Variants in CTNND2 observed in about 807,000 individuals in gnomAD.
The protein encoded by CTNND2 is catenin delta-2.
A neutral mutation model predicts 144.4 loss-of-function variants in CTNND2; 22 were observed. That is an observed-to-expected ratio of 0.15 (90% confidence interval 0.11 to 0.22). The LOEUF (loss-of-function observed/expected upper bound fraction) is 0.22, where lower values mean the gene tolerates loss of function less well. CTNND2 is among the 10% of genes least tolerant of loss of function. The probability of loss-of-function intolerance (pLI) is 1.00; values close to 1 mark genes in which losing one functional copy is unlikely to be tolerated. For missense variants in CTNND2, 1,353 were observed against 1,618.8 expected, an observed-to-expected ratio of 0.84 and a Z score of 2.82; for synonymous variants, 751 against 695.6, an observed-to-expected ratio of 1.08 and a Z score of -1.25.
Position 11,717,271 on chromosome 5 carries a change from G to A in CTNND2, c.174+14865C>T, listed in dbSNP as rs530540556. Among the ~76,000 whole-genome samples the A allele has an allele frequency of 2.6e-4, 40 of 152,042 alleles. No homozygotes were observed. The South Asian group carries it at 4.2e-3, about 16-fold the overall frequency. On this transcript the variant is annotated intron_variant, in intron 2 of 21. Coordinates refer to ENST00000304623, the MANE Select transcript of CTNND2 (RefSeq NM_001332.4). ...ACTCACTGTATTAGTTTGTTCTCAC[G>A]CTGCTAATAAAGACGTACCTGGCAG...
intron 16 of CTNND2, among the ~76,000 whole-genome samples, chr5:11,081,259 G>A (rs753898750): frequency 6.6e-6 from 1 of 152,144 alleles, no homozygotes; most frequent in Non-Finnish European, 1.5e-5. Context: ...ATGCAACAAG[G>A]TGACTACAGT....
chr5:11,031,903 C>T (rs1743517318), intron 16 of CTNND2, among the ~76,000 whole-genome samples: 2 of 152,208 alleles, frequency 1.3e-5, no homozygotes, highest in South Asian at 2.1e-4. Flanking sequence ...GAAGGCTGCA[C>T]TGTTGTCCTT....
At position 11,353,432 on chromosome 5, in the gene CTNND2, G is replaced by A. The variant is rs376710692; in HGVS notation, c.1373-6805C>T. Among the ~76,000 whole-genome samples, 152 of 152,302 alleles carry A rather than the reference G, an allele frequency of 1.0e-3. 4 individuals carry two copies. In the South Asian group the frequency reaches 0.031, roughly 31 times the overall value. ...GAAGTGCAATATGTTTGGCAGAAATGCCAGAAAAAGACTAAAATTTAATGT... is the reference window on the plus strand; with the variant it reads ...GAAGTGCAATATGTTTGGCAGAAATACCAGAAAAAGACTAAAATTTAATGT... On this transcript the variant is annotated intron_variant, in intron 8 of 21. Transcript: ENST00000304623.
At chr5:11,497,419 T>C (rs1363801014) in intron 3 of CTNND2, among the ~76,000 whole-genome samples, 4 of 147,538 alleles carry the variant, frequency 2.7e-5, no homozygotes, top group Non-Finnish European at 5.9e-5. Context: ...GGGGCTATGT[T>C]AGATTAGGTG....
At chr5:11,144,893 G>A (rs888428287) in intron 12 of CTNND2, among the ~76,000 whole-genome samples, 3 of 152,072 alleles carry the variant, frequency 2.0e-5, no homozygotes, top group African/African-American at 4.8e-5. Context: ...TCCCCTTATC[G>A]TTCCCAACAG....
intron 1 of CTNND2, among the ~76,000 whole-genome samples, chr5:11,886,220 A>G (rs900487556): frequency 7.3e-5 from 11 of 150,688 alleles, no homozygotes; most frequent in African/African-American, 2.7e-4. Flanking sequence ...ATGAAACAAA[A>G]AGTTGAGTTA....
At chr5:11,829,735 G>A (rs1037484144) in intron 1 of CTNND2, among the ~76,000 whole-genome samples, 4 of 152,214 alleles carry the variant, frequency 2.6e-5, no homozygotes, top group Admixed American at 1.3e-4. Context: ...CCCATACAGA[G>A]TCCCTACTGA....
intron 2 of CTNND2, among the ~76,000 whole-genome samples, chr5:11,571,736 G>C (rs755927442): frequency 6.6e-6 from 1 of 152,126 alleles, no homozygotes; most frequent in Non-Finnish European, 1.5e-5. Flanking sequence ...CCCCTGCTTA[G>C]AACTCCATTC....
In CTNND2 at chr5:11,865,902, C is replaced by CAAAAAAAA. The variant is rs56310600; in HGVS notation, c.37+37907_37+37914dup. ...GGCAACCTTTAGAAGCTGGAAGAGA[C>CAAAAAAAA]AAAAAAAAAAAAACGAGTTCTCCTC... On this transcript the variant is annotated intron_variant, in intron 1 of 21. Coordinates refer to ENST00000304623, the MANE Select transcript of CTNND2 (RefSeq NM_001332.4). 6.7e-4 allele frequency among the ~76,000 whole-genome samples: 59 copies of CAAAAAAAA among 87,428 alleles called. 2 individuals are homozygous for CAAAAAAAA. Among genetic ancestry groups the CAAAAAAAA allele is most frequent in the African/African-American group, 1.9e-3 (47 of 25,064 alleles). 57.4% of individuals were successfully genotyped at this position (87,428 alleles called of 152,430 possible).
At chr5:11,681,302 A>G (rs945497247) in intron 2 of CTNND2, among the ~76,000 whole-genome samples, 1 of 152,262 alleles carries the variant, frequency 6.6e-6, no homozygotes, top group Non-Finnish European at 1.5e-5. Context: ...AACCGTGTCC[A>G]CAGCTGACAC....
At chr5:11,352,641 T>C (rs530930165) in intron 8 of CTNND2, among the ~76,000 whole-genome samples, 1 of 152,336 alleles carries the variant, frequency 6.6e-6, no homozygotes, top group Non-Finnish European at 1.5e-5. Context: ...GTGGTGACTA[T>C]ACTTATCTTA....
chr5:11,498,117 C>A (rs1053805146), intron 3 of CTNND2, among the ~76,000 whole-genome samples: 2 of 152,124 alleles, frequency 1.3e-5, no homozygotes, highest in African/African-American at 4.8e-5. Flanking sequence ...TGTGAGTGTG[C>A]AAATAAGTGC....
intron 14 of CTNND2, among the ~76,000 whole-genome samples, chr5:11,109,920 T>C (rs960273808): frequency 5.9e-5 from 9 of 152,210 alleles, no homozygotes; most frequent in Non-Finnish European, 1.0e-4. Flanking sequence ...ACTGGCCAGA[T>C]TGTATCTGTA....
chr5:11,323,550 A>G (rs1030160969), intron 9 of CTNND2, among the ~76,000 whole-genome samples: 1 of 152,196 alleles, frequency 6.6e-6, no homozygotes, highest in African/African-American at 2.4e-5. Context: ...TAGTGTTTTT[A>G]GCTTAGGAAA....
chr5:11,509,838 GAGTTTCCCCTCCCCA>G (rs1771462568), intron 3 of CTNND2, among the ~76,000 whole-genome samples: 1 of 152,156 alleles, frequency 6.6e-6, no homozygotes, highest in African/African-American at 2.4e-5. Context: ...TTTCTACAGA[GAGTTTCCCCTCCCCA>G]CAAAGGCAGA....
chr5:11,040,505 C>T (rs1744591147), intron 16 of CTNND2, among the ~76,000 whole-genome samples: 1 of 152,156 alleles, frequency 6.6e-6, no homozygotes, highest in Non-Finnish European at 1.5e-5. Flanking sequence ...TGTTTCAGCA[C>T]CTTGTCTCAT....
chr5:11,130,135 A>G (rs1454185079), intron 12 of CTNND2, among the ~76,000 whole-genome samples: 4 of 152,120 alleles, frequency 2.6e-5, no homozygotes, highest in Non-Finnish European at 5.9e-5. Context: ...ATGGCTTGGT[A>G]ATTGCTTTGC....
At chr5:11,224,374 T>C (rs1740107345) in intron 10 of CTNND2, among the ~76,000 whole-genome samples, 1 of 152,128 alleles carries the variant, frequency 6.6e-6, no homozygotes, top group South Asian at 2.1e-4. Context: ...TCTCTTGTGT[T>C]CACAAAGGTT....
intron 1 of CTNND2, among the ~76,000 whole-genome samples, chr5:11,792,084 C>T (rs1337446643): frequency 6.6e-6 from 1 of 152,122 alleles, no homozygotes; most frequent in African/African-American, 2.4e-5. Context: ...GAATTTCTCA[C>T]CATCAATTCT....
Sources: allele counts gnomAD v4.1 joint callset (sites outside exome capture counted in the v4.1 genomes callset), GRCh38; gene constraint gnomAD v4.1.1; transcripts MANE v1.5; gene names NCBI Gene and HGNC (gene_info 2026-07-23, HGNC 2026-07-21).